Variants in ANK2 observed in about 807,000 individuals in gnomAD.
ANK2 encodes the protein ankyrin 2, also known as ankyrin-2.
Under a neutral mutation model 360.5 loss-of-function variants are expected in ANK2, and 83 were observed. The ratio of observed to expected loss-of-function variants is 0.23; its 90% CI spans 0.19 to 0.28. ANK2 has a LOEUF of 0.28. ANK2 is among the 10% of genes least tolerant of loss of function. The pLI is 1.00. For missense variants in ANK2, 4,201 were observed against 4,795.7 expected, an observed-to-expected ratio of 0.88 and a Z score of 3.66; for synonymous variants, 1,740 against 1,759.5, an observed-to-expected ratio of 0.99 and a Z score of 0.28.
chr4:113,023,527 G>T (rs1224347267), intron 2 of ANK2, among the ~76,000 whole-genome samples: 2 of 152,102 alleles, frequency 1.3e-5, no homozygotes, highest in African/African-American at 4.8e-5. Flanking sequence ...TTCCTTTCAG[G>T]TCCCTGAAGA....
At chr4:112,953,427 C>T (rs760939464) in intron 2 of ANK2, among the ~76,000 whole-genome samples, 2 of 152,230 alleles carry the variant, frequency 1.3e-5, no homozygotes, top group African/African-American at 4.8e-5. Flanking sequence ...TCTCTTATGA[C>T]ATTCGAAGTA....
intron 1 of ANK2, chr4:113,149,254 T>C (rs2096946292): frequency 6.6e-6 from 1 of 152,142 alleles, no homozygotes; most frequent in Non-Finnish European, 1.5e-5. Context: ...TATTGAAAGA[T>C]TTTTGGGAGA....
intron 4 of ANK2, among the ~76,000 whole-genome samples, chr4:113,219,837 A>G (rs571747964): frequency 5.9e-5 from 9 of 152,204 alleles, no homozygotes; most frequent in Non-Finnish European, 1.0e-4. Flanking sequence ...GCAGTGGTAC[A>G]AACTATATTT....
chr4:113,197,669 A>C (rs2098768776), intron 3 of ANK2, among the ~76,000 whole-genome samples: 1 of 152,208 alleles, frequency 6.6e-6, no homozygotes, highest in East Asian at 1.9e-4. Flanking sequence ...CAAAATGTGC[A>C]TTGGTTCTGC....
intron 1 of ANK2, among the ~76,000 whole-genome samples, chr4:113,166,537 T>C (rs1353380918): frequency 6.6e-6 from 1 of 152,100 alleles, no homozygotes; most frequent in Non-Finnish European, 1.5e-5. Flanking sequence ...CAAATAGTTA[T>C]CAAAGATATT....
At chr4:112,885,512 A>AAT (rs2078055313) in intron 1 of ANK2, among the ~76,000 whole-genome samples, 1 of 121,038 alleles carries the variant, frequency 8.3e-6, no homozygotes, top group Non-Finnish European at 1.7e-5. Flanking sequence ...AAAAAAAAAA[A>AAT]TTAGCCGGGC....
chr4:112,876,066 T>G (rs552720067), intron 1 of ANK2, among the ~76,000 whole-genome samples: 1 of 152,200 alleles, frequency 6.6e-6, no homozygotes, highest in East Asian at 1.9e-4. Context: ...ATTTCGGATT[T>G]TTTTTTTCAA....
chr4:112,814,158 T>A (rs966633834), upstream of ANK2, among the ~76,000 whole-genome samples: 1 of 152,256 alleles, frequency 6.6e-6, no homozygotes, highest in Non-Finnish European at 1.5e-5. Context: ...GGCAGTTATA[T>A]ATCTTGCCTA....
intron 2 of ANK2, among the ~76,000 whole-genome samples, chr4:113,185,516 TGA>T (rs1401672944): frequency 1.3e-5 from 2 of 152,270 alleles, no homozygotes; most frequent in Non-Finnish European, 2.9e-5. Flanking sequence ...TGTCTTCTTT[TGA>T]GAAGTGTCTG....
intron 2 of ANK2, among the ~76,000 whole-genome samples, chr4:112,999,766 C>T (rs889655680): frequency 3.8e-5 from 4 of 105,100 alleles, no homozygotes; most frequent in South Asian, 2.7e-4. Context: ...TTTATTTGAA[C>T]CCCCTGGAAT....
chr4:112,725,396 T>C, the ANK2 span, among the ~76,000 whole-genome samples: 2 of 120,552 alleles, frequency 1.7e-5, no homozygotes, highest in African/African-American at 6.2e-5. Context: ...AGCCTTGCTG[T>C]GTCGCCCAGG....
the ANK2 span, among the ~76,000 whole-genome samples, chr4:112,778,422 T>G: frequency 6.6e-6 from 1 of 152,118 alleles, no homozygotes; most frequent in Non-Finnish European, 1.5e-5. Flanking sequence ...TCCCCCTGCC[T>G]CGGCCTCCCA....
intron 1 of ANK2, among the ~76,000 whole-genome samples, chr4:113,073,335 A>G (rs535445246): frequency 6.6e-6 from 1 of 152,266 alleles, no homozygotes; most frequent in African/African-American, 2.4e-5. Context: ...TATTTAAAAA[A>G]TAATAACTAG....
At chr4:113,253,544 T>A (rs889520236) in intron 10 of ANK2, among the ~76,000 whole-genome samples, 2 of 152,036 alleles carry the variant, frequency 1.3e-5, no homozygotes, top group African/African-American at 4.8e-5. Flanking sequence ...CTTCCTGTTA[T>A]CCTTCTTATC....
intron 2 of ANK2, among the ~76,000 whole-genome samples, chr4:112,919,882 C>T (rs532409978): frequency 2.0e-5 from 3 of 152,160 alleles, no homozygotes; most frequent in East Asian, 3.9e-4. Context: ...GTCAGCCTAA[C>T]TATAGCTTTT....
At chr4:113,016,890 C>T (rs140250319) in intron 2 of ANK2, among the ~76,000 whole-genome samples, 104 of 152,308 alleles carry the variant, frequency 6.8e-4, no homozygotes, top group African/African-American at 2.5e-3. Flanking sequence ...TTATCCTTGA[C>T]TGCCCTACCT....
chr4:113,297,660 T>C (rs904518175), intron 22 of ANK2, among the ~76,000 whole-genome samples: 1 of 152,144 alleles, frequency 6.6e-6, no homozygotes, highest in African/African-American at 2.4e-5. Context: ...TCTTTAAATA[T>C]AGGTCCATCG....
intron 32 of ANK2, among the ~76,000 whole-genome samples, chr4:113,341,001 A>G (rs934990250): frequency 5.9e-5 from 9 of 152,238 alleles, no homozygotes; most frequent in Admixed American, 2.6e-4. Context: ...AAAGAGTGTC[A>G]TAAGATTTAG....
intron 35 of ANK2, among the ~76,000 whole-genome samples, chr4:113,347,511 T>A: frequency 6.6e-6 from 1 of 152,186 alleles, no homozygotes; most frequent in South Asian, 2.1e-4. Context: ...GAGCTTTCAG[T>A]GTGCTCTAAG....
Sources: gnomAD v4.1 joint callset for allele counts (sites outside exome capture counted in the v4.1 genomes callset) on GRCh38, gnomAD v4.1.1 for gene constraint, MANE v1.5 for transcripts, NCBI Gene and HGNC (gene_info 2026-07-23, HGNC 2026-07-21) for gene names.